The following GLDN variants were observed in gnomAD, a reference collection of about 807,000 sequenced individuals.
GLDN encodes the protein collomin.
In GLDN, 47 loss-of-function variants were observed where a neutral mutation model predicts 56.5. The observed-to-expected ratio is 0.83, with a 90% CI of 0.66 to 1.06. The LOEUF is 1.06. Among genes scored for constraint, GLDN ranks in the 50% least tolerant of loss-of-function variants. The probability of loss-of-function intolerance (pLI) is 0.00; values close to 1 mark genes in which losing one functional copy is unlikely to be tolerated. For missense variants in GLDN, 782 were observed against 714.3 expected, an observed-to-expected ratio of 1.09 and a Z score of -1.08; for synonymous variants, 332 against 278.8, an observed-to-expected ratio of 1.19 and a Z score of -1.90.
At chr15:51,381,417 A>T (rs557912425) in intron 2 of GLDN, among the ~76,000 whole-genome samples, 23 of 152,294 alleles carry the variant, frequency 1.5e-4, no homozygotes, top group South Asian at 4.1e-4. Context: ...CGTGTTCGCC[A>T]TCTGGTGGTA....
chr15:51,341,909 G>C lies in GLDN; in HGVS notation c.225G>C (p.Ala75=). 8 of 1,592,634 alleles carry C rather than the reference G, an allele frequency of 5.0e-6. No homozygotes were observed. Among genetic ancestry groups the C allele is most frequent in the Non-Finnish European group, 5.9e-6 (7 of 1,177,260 alleles). Residue 75 remains alanine (A), a synonymous_variant, in exon 1 of 10, where the codon GCG becomes GCC. Transcript: ENST00000335449. ...CCTTCCTGGCCGAGTTGAGCCGCGC[G>C]CCGCGCGGGGCGTCCGCACCACCCC... is the stretch of plus-strand genomic sequence containing the variant. The part of the protein sequence containing the change: ...LRSFLAELSR[A]PRGASAPPQD...
chr15:51,341,696 C>A lies in GLDN; in HGVS notation c.12C>A (p.Gly4=). 1 of 1,422,390 alleles carries A rather than the reference C, an allele frequency of 7.0e-7. No individual in the cohort carries two copies. The highest frequency in any genetic ancestry group is 1.6e-5 in the South Asian group (1 of 63,510). 88.1% of individuals were successfully genotyped at this position (1,422,390 alleles called of 1,614,324 possible). A position where few individuals can be genotyped will look rare whatever the true frequency, so the allele number is the denominator to read the frequency against. ...AAGGCGCATAGAGCATGGCCCGAGG[C>A]GCTGAGGGAGGCCGTGGGGACGCGG... MAR[G]AEGGRGDAGW... is the part of the protein sequence containing the mutation. The change falls in exon 1 of 10, where the codon GGC becomes GGA. Residue 4 remains glycine, a synonymous_variant. Coordinates refer to ENST00000335449, the MANE Select transcript of GLDN (RefSeq NM_181789.4).
intron 2 of GLDN, among the ~76,000 whole-genome samples, chr15:51,379,299 G>T (rs2037703344): frequency 6.6e-6 from 1 of 152,196 alleles, no homozygotes; most frequent in Non-Finnish European, 1.5e-5. Flanking sequence ...GGGAGAGCAG[G>T]CATCTTGAAG....
chr15:51,412,162 A>G (rs1369801476), downstream of GLDN, among the ~76,000 whole-genome samples: 1 of 152,214 alleles, frequency 6.6e-6, no homozygotes, highest in Non-Finnish European at 1.5e-5. Context: ...AATTTTCCAG[A>G]TTGAAAAATT....
intron 4 of GLDN, among the ~76,000 whole-genome samples, chr15:51,386,039 G>A (rs116344870): frequency 0.022 from 3,400 of 152,334 alleles, 142 homozygotes; most frequent in African/African-American, 0.077. Flanking sequence ...GCAGAGGACA[G>A]CAGCAGAGAA....
chr15:51,366,521 G>T (rs1036662711), intron 1 of GLDN, among the ~76,000 whole-genome samples: 4 of 152,240 alleles, frequency 2.6e-5, no homozygotes, highest in Admixed American at 2.6e-4. Context: ...ACACCTGGTT[G>T]TTTCTATAAG....
At chr15:51,401,884 G>C (rs1238734571) in intron 9 of GLDN, 141 bp downstream of exon 9, 7 of 729,410 alleles carry the variant, frequency 9.6e-6, no homozygotes, top group Non-Finnish European at 1.5e-5. Flanking sequence ...ATCAGGGTTT[G>C]TCGACTGAAT....
chr15:51,376,246 A>G (rs1240318936), intron 1 of GLDN, among the ~76,000 whole-genome samples: 1 of 152,262 alleles, frequency 6.6e-6, no homozygotes, highest in Non-Finnish European at 1.5e-5. Flanking sequence ...TATTGCTCCT[A>G]GGCTACAAAC....
chr15:51,402,845 AC>A lies in GLDN; in HGVS notation c.1178+1107del, dbSNP rs529295653. ...TGCCTCTCACTCCCATCTACATGAC[AC>A]CCCCATCATCATCTCTACACCTCCC... On this transcript the variant is annotated intron_variant, in intron 9 of 9. Transcript: ENST00000335449. Among the ~76,000 whole-genome samples, 195 of 151,886 alleles carry A rather than the reference AC, an allele frequency of 1.3e-3. 8 individuals carry two copies. In the South Asian group the frequency reaches 0.04, roughly 31 times the overall value.
chr15:51,362,347 T>C (rs549975742), intron 1 of GLDN, among the ~76,000 whole-genome samples: 8 of 152,096 alleles, frequency 5.3e-5, no homozygotes, highest in African/African-American at 1.9e-4. Flanking sequence ...TAGCTCAGCA[T>C]GGTGGTGCAT....
rs563893526 is a variant in GLDN at position 51,400,422 on chromosome 15, A to G, written c.951A>G (p.Thr317=). ...IGNPVQVLKV[T]ETFGTWIRES... ...ACCCAGTGCAAGTACTGAAAGTGAC[A>G]GAGACATTTGGGACTTGGATAAGAG... Residue 317 remains threonine, a synonymous_variant, in exon 8 of 10, where the codon ACA becomes ACG. Coordinates refer to ENST00000335449, the MANE Select transcript of GLDN (RefSeq NM_181789.4). The G allele has an allele frequency of 2.8e-4, 449 of 1,614,166 alleles. 2 individuals carry two copies. The South Asian group carries it at 4.7e-3, about 17-fold the overall frequency.
chr15:51,408,067 A>G (rs1191698528), downstream of GLDN: 1 of 152,264 alleles, frequency 6.6e-6, no homozygotes, highest in Non-Finnish European at 1.5e-5. Flanking sequence ...ATTTAAAAGA[A>G]AAAATCCAAA....
intron 1 of GLDN, among the ~76,000 whole-genome samples, chr15:51,347,800 C>A (rs2037004744): frequency 6.6e-6 from 1 of 152,146 alleles, no homozygotes; most frequent in Non-Finnish European, 1.5e-5. Flanking sequence ...CCATATCTAC[C>A]AATCCAGTAC....
intron 4 of GLDN, among the ~76,000 whole-genome samples, chr15:51,389,468 T>C (rs749241735): frequency 6.6e-6 from 1 of 152,196 alleles, no homozygotes; most frequent in African/African-American, 2.4e-5. Context: ...GACTGCTCTA[T>C]ACTTCATAGG....
intron 1 of GLDN, among the ~76,000 whole-genome samples, chr15:51,349,492 G>A (rs2037036891): frequency 1.3e-5 from 2 of 152,200 alleles, no homozygotes; most frequent in South Asian, 2.1e-4. Flanking sequence ...TAATAATATT[G>A]TGTGACATGT....
chr15:51,346,787 CG>C (rs1298162130), intron 1 of GLDN, among the ~76,000 whole-genome samples: 4 of 152,130 alleles, frequency 2.6e-5, no homozygotes, highest in African/African-American at 9.7e-5. Flanking sequence ...ACTAGGAGGC[CG>C]GGTGTGGTCG....
At chr15:51,409,177 G>A (rs986055502), downstream of GLDN, among the ~76,000 whole-genome samples, 6 of 150,922 alleles carry the variant, frequency 4.0e-5, no homozygotes, top group African/African-American at 9.7e-5. Flanking sequence ...ATCAGGTAAC[G>A]CTGTCACAAC....
At chr15:51,367,615 C>T (rs1293099893) in intron 1 of GLDN, 6 of 152,254 alleles carry the variant, frequency 3.9e-5, no homozygotes, top group African/African-American at 1.4e-4. Context: ...ACAAATGACT[C>T]GAGAATAAGC....
intron 1 of GLDN, among the ~76,000 whole-genome samples, chr15:51,361,761 G>T (rs560135565): frequency 6.6e-6 from 1 of 152,158 alleles, no homozygotes; most frequent in East Asian, 1.9e-4. Flanking sequence ...AGGTTGATAA[G>T]TGCTATGAAG....
Sources: gnomAD v4.1 joint callset for allele counts (sites outside exome capture counted in the v4.1 genomes callset) on GRCh38, gnomAD v4.1.1 for gene constraint, MANE v1.5 for transcripts, NCBI Gene and HGNC (gene_info 2026-07-23, HGNC 2026-07-21) for gene names.